Variants in PTPN18 observed in about 807,000 individuals in gnomAD.
PTPN18 encodes tyrosine-protein phosphatase non-receptor type 18.
Under a neutral mutation model 65.4 loss-of-function variants are expected in PTPN18, and 65 were observed. The observed-to-expected ratio is 0.99, with a 90% CI of 0.81 to 1.22. PTPN18 has a LOEUF of 1.22. PTPN18 is among the 50% of genes most tolerant of loss of function. The pLI is 0.00. For missense variants in PTPN18, 616 were observed against 646.5 expected (o/e 0.95, Z 0.51); for synonymous variants, 255 against 267.8 (o/e 0.95, Z 0.47).
intron 5 of PTPN18, among the ~76,000 whole-genome samples, chr2:130,363,755 T>C (rs997887200): frequency 1.2e-4 from 19 of 152,222 alleles, no homozygotes; most frequent in South Asian, 6.2e-4. Flanking sequence ...AACACTGATA[T>C]ACAAGTCTCT....
At chr2:130,371,090 C>T in intron 11 of PTPN18, 109 bp from the exon 12 acceptor site, 2 of 1,369,046 alleles carry the variant, frequency 1.5e-6, no homozygotes, top group East Asian at 2.3e-5. Context: ...CCTGTGCCCT[C>T]CTCCAGGCAT....
At chr2:130,362,807 G>A (rs1558843073) in intron 5 of PTPN18, among the ~76,000 whole-genome samples, 2 of 151,854 alleles carry the variant, frequency 1.3e-5, no homozygotes, top group African/African-American at 2.4e-5. Flanking sequence ...ACCACAGTAA[G>A]ATTTTTGTTT....
Position 130,358,892 on chromosome 2 carries a change from G to T in PTPN18, c.119G>T (p.Trp40Leu). ...GACATCCAGGCCTGCTCGGCCGCCTGGAAGGCTGACGGCGTGTGCTCCACC... is the reference window on the plus strand; with the variant it reads ...GACATCCAGGCCTGCTCGGCCGCCTTGAAGGCTGACGGCGTGTGCTCCACC... The part of the protein sequence containing the change: ...FSDIQACSAA[W>L]KADGVCSTVA... Residue 40 changes from tryptophan (W) to leucine (L), a missense_variant, in exon 2 of 15, where the codon TGG becomes TTG. Trp to Leu is a moderately conservative substitution (Grantham distance 61, BLOSUM62 -2). Around this residue, in one of 3 missense-constraint regions of PTPN18, gnomAD observed 223 missense variants for 210.0 expected, o/e 1.06. Coordinates refer to ENST00000175756, the MANE Select transcript of PTPN18 (RefSeq NM_014369.4). 6.2e-7 allele frequency: 1 copy of T among 1,613,780 alleles called. No individual in the cohort carries two copies. Among genetic ancestry groups the T allele is most frequent in the Non-Finnish European group, 8.5e-7 (1 of 1,179,708 alleles).
In PTPN18 at chr2:130,367,718, T is replaced by C. The variant is rs531237049; in HGVS notation, c.415-1415T>C. Among the ~76,000 whole-genome samples, 6 of 152,286 alleles carry C rather than the reference T, an allele frequency of 3.9e-5. No individual in the cohort carries two copies. In the South Asian group the frequency reaches 1.2e-3, roughly 32 times the overall value. On this transcript the variant is annotated intron_variant, in intron 5 of 14. Transcript: ENST00000175756. ...TCTTCATTCTTTTTCAGTAATTTGA[T>C]CATGATCTGCCTTGGCGTGACTTTC...
intron 5 of PTPN18, chr2:130,362,123 C>T (rs144822674): frequency 1.7e-5 from 8 of 470,578 alleles, no homozygotes; most frequent in East Asian, 1.4e-4. Flanking sequence ...CATACACCAC[C>T]GTGCCTGATT....
At position 130,359,505 on chromosome 2, in the gene PTPN18, G is replaced by T. The variant is rs759283776; in HGVS notation, c.375+13G>T. On this transcript the variant is annotated intron_variant, in intron 4 of 14. Transcript: ENST00000175756. ...GTTTGGGGTCAAGGTCAGCACTTGG[G>T]GGTGCGGCACAATGGTGGGGTCAAC... 8 of 1,613,846 alleles carry T rather than the reference G, an allele frequency of 5.0e-6. No homozygotes were observed. Among genetic ancestry groups the T allele is most frequent in the Non-Finnish European group, 5.9e-6 (7 of 1,179,872 alleles).
At chr2:130,370,456 T>G (rs1680521465) in intron 8 of PTPN18, 101 bp from the exon 9 acceptor site, 4 of 1,358,392 alleles carry the variant, frequency 2.9e-6, no homozygotes, top group Non-Finnish European at 3.2e-6. Context: ...CAAGAGGCTC[T>G]GCAGGGGATC....
intron 13 of PTPN18, 118 bp from the exon 14 acceptor site, chr2:130,372,755 C>A: frequency 7.8e-7 from 1 of 1,275,692 alleles, no homozygotes; most frequent in East Asian, 2.3e-5. Context: ...TGCCTTCTCC[C>A]GCCCGGCGCC....
At chr2:130,372,682 C>T (rs532275490) in intron 13 of PTPN18, 191 bp from the exon 14 acceptor site, 3 of 964,770 alleles carry the variant, frequency 3.1e-6, no homozygotes, top group Non-Finnish European at 4.5e-6. Flanking sequence ...GGTCCAGGGG[C>T]AGGGTTCCTG....
At chr2:130,356,354 C>G (rs1372443714) in intron 1 of PTPN18, among the ~76,000 whole-genome samples, 154 bp downstream of exon 1, 2 of 152,092 alleles carry the variant, frequency 1.3e-5, no homozygotes, top group African/African-American at 4.8e-5. Context: ...CCCAGCACTT[C>G]TCTGTCGCTC....
chr2:130,367,481 C>A (rs1310245555), intron 5 of PTPN18, among the ~76,000 whole-genome samples: 1 of 151,890 alleles, frequency 6.6e-6, no homozygotes, highest in Non-Finnish European at 1.5e-5. Flanking sequence ...CGAGACCAGC[C>A]CGGCCAACCT....
intron 1 of PTPN18, among the ~76,000 whole-genome samples, chr2:130,357,655 C>T (rs1010992220): frequency 2.0e-5 from 3 of 151,874 alleles, no homozygotes; most frequent in African/African-American, 7.3e-5. Context: ...AGGAGATCCA[C>T]ACCATCCTGG....
chr2:130,361,690 C>T (rs1364099992), intron 5 of PTPN18, among the ~76,000 whole-genome samples: 7 of 151,974 alleles, frequency 4.6e-5, no homozygotes, highest in Admixed American at 6.5e-5. Context: ...CAGGTTCAAG[C>T]GATTCTCCTG....
intron 5 of PTPN18, among the ~76,000 whole-genome samples, chr2:130,367,009 A>G (rs570388281): frequency 3.1e-4 from 47 of 149,976 alleles, no homozygotes; most frequent in African/African-American, 1.1e-3. Flanking sequence ...TTTTTTTTAG[A>G]TACAGGCTAG....
chr2:130,368,411 T>C (rs74711953), intron 5 of PTPN18, among the ~76,000 whole-genome samples: 3,742 of 152,320 alleles, frequency 0.025, 141 homozygotes, highest in African/African-American at 0.083. Context: ...GCCGTACTTC[T>C]AATGTGTGGT....
intron 5 of PTPN18, among the ~76,000 whole-genome samples, chr2:130,363,225 G>A (rs1041873662): frequency 6.6e-6 from 1 of 151,178 alleles, no homozygotes; most frequent in African/African-American, 2.4e-5. Context: ...GAGACTGGTG[G>A]ATCACGAGGT....
chr2:130,360,989 G>A (rs888948309), intron 5 of PTPN18, among the ~76,000 whole-genome samples: 3 of 151,926 alleles, frequency 2.0e-5, no homozygotes, highest in Non-Finnish European at 4.4e-5. Context: ...ATGCCACCAC[G>A]CCCAACTAAT....
Position 130,359,218 on chromosome 2 carries a change from C to T in PTPN18, c.203-15C>T, listed in dbSNP as rs1476749907. The T allele has an allele frequency of 6.2e-7, 1 of 1,613,788 alleles. No individual in the cohort carries two copies. Among genetic ancestry groups the T allele is most frequent in the Non-Finnish European group, 8.5e-7 (1 of 1,179,942 alleles). On this transcript the variant is annotated splice_polypyrimidine_tract_variant and intron_variant, in intron 2 of 14. Transcript: ENST00000175756. ...CCTACCCAAACTCCACGTTTCTCAC[C>T]TTATCTGCTGACAGATGATCAGACG...
At position 130,370,066 on chromosome 2, in the gene PTPN18, C is replaced by T; in HGVS notation, c.565C>T (p.Gln189Ter). 2 of 1,614,036 alleles carry T rather than the reference C, an allele frequency of 1.2e-6. No individual in the cohort carries two copies. Among genetic ancestry groups the T allele is most frequent in the Non-Finnish European group, 1.7e-6 (2 of 1,180,012 alleles). ...TFQKESRSVYQLQYMSWPDRG... is the reference protein window; with the variant it reads ...TFQKESRSVY ...GTTTCAGGAGTCCCGTTCTGTGTAC[C>T]AGCTACAGTATATGTCCTGGCCAGA... Residue 189 changes from glutamine to a stop codon, truncating the protein, a stop_gained, in exon 8 of 15, where the codon CAG (glutamine) becomes TAG (stop). Transcript: ENST00000175756. LOFTEE classifies it high-confidence loss of function.
Sources: gnomAD v4.1 joint callset for allele counts (sites outside exome capture counted in the v4.1 genomes callset) on GRCh38, gnomAD v4.1.1 for gene constraint, gnomAD v4.1.1 regional missense constraint, MANE v1.5 for transcripts, NCBI Gene and HGNC (gene_info 2026-07-23, HGNC 2026-07-21) for gene names.